Variants in ARK2C observed in about 807,000 individuals in gnomAD.
The protein encoded by ARK2C is E3 ubiquitin-protein ligase ARK2C.
the ARK2C span, among the ~76,000 whole-genome samples, chr18:46,411,402 G>A: frequency 6.6e-6 from 1 of 152,222 alleles, no homozygotes; most frequent in Non-Finnish European, 1.5e-5. Flanking sequence ...TGAATAGGAC[G>A]TATGCTCTGA....
At chr18:46,407,048 T>G in the ARK2C span, among the ~76,000 whole-genome samples, 1 of 152,220 alleles carries the variant, frequency 6.6e-6, no homozygotes, top group Non-Finnish European at 1.5e-5. Context: ...GAACTCGACT[T>G]TTGCCTCGGC....
At chr18:46,414,279 T>C in the ARK2C span, among the ~76,000 whole-genome samples, 1 of 152,220 alleles carries the variant, frequency 6.6e-6, no homozygotes, top group Non-Finnish European at 1.5e-5. Flanking sequence ...GAAACTGCTT[T>C]AATCTCCCTA....
chr18:46,416,715 G>T, the ARK2C span, among the ~76,000 whole-genome samples: 2 of 152,232 alleles, frequency 1.3e-5, no homozygotes, highest in Non-Finnish European at 2.9e-5. Context: ...AGTCAGCTGG[G>T]ACAGATGGGT....
At chr18:46,356,212 GT>G in the ARK2C span, among the ~76,000 whole-genome samples, 1 of 152,158 alleles carries the variant, frequency 6.6e-6, no homozygotes, top group Non-Finnish European at 1.5e-5. Context: ...ATGTCAATCC[GT>G]GACCAGCCGA....
chr18:46,431,350 G>C, the ARK2C span, among the ~76,000 whole-genome samples: 1 of 152,166 alleles, frequency 6.6e-6, no homozygotes, highest in African/African-American at 2.4e-5. Context: ...TAGAATGTCT[G>C]TGTGCCTTGA....
the ARK2C span, among the ~76,000 whole-genome samples, chr18:46,409,892 A>C: frequency 0.14 from 21,209 of 152,200 alleles, 1,587 homozygotes; most frequent in East Asian, 0.28. Flanking sequence ...TGTACTTACC[A>C]GCCATAGAGC....
the ARK2C span, among the ~76,000 whole-genome samples, chr18:46,389,705 T>C: frequency 1.3e-5 from 2 of 151,314 alleles, no homozygotes; most frequent in South Asian, 4.2e-4. Flanking sequence ...ATAGCAGCTC[T>C]CTCCAGGAAG....
At chr18:46,371,792 C>T in the ARK2C span, among the ~76,000 whole-genome samples, 3 of 152,200 alleles carry the variant, frequency 2.0e-5, no homozygotes, top group African/African-American at 7.2e-5. Flanking sequence ...GGGTCAAAGT[C>T]AAACAGTGAC....
At chr18:46,384,072 G>T in the ARK2C span, among the ~76,000 whole-genome samples, 1 of 152,330 alleles carries the variant, frequency 6.6e-6, no homozygotes, top group East Asian at 1.9e-4. Context: ...GGCAGTCGGG[G>T]TGAAACTGTG....
chr18:46,335,050 G>T, the ARK2C span: 4 of 151,682 alleles, frequency 2.6e-5, no homozygotes, highest in Non-Finnish European at 5.9e-5. Flanking sequence ...GGGCGCGTGT[G>T]TGTGTGTGTG....
chr18:46,387,228 T>G, the ARK2C span: 17 of 152,198 alleles, frequency 1.1e-4, no homozygotes, highest in Non-Finnish European at 1.8e-4. Flanking sequence ...AGCTGAGGCA[T>G]GCATAAAAAA....
the ARK2C span, among the ~76,000 whole-genome samples, chr18:46,350,826 AT>A: frequency 6.6e-6 from 1 of 152,230 alleles, no homozygotes; most frequent in Non-Finnish European, 1.5e-5. Context: ...TACGGCCAAT[AT>A]TATATCTCTG....
At chr18:46,351,685 C>T in the ARK2C span, among the ~76,000 whole-genome samples, 2 of 152,254 alleles carry the variant, frequency 1.3e-5, no homozygotes, top group East Asian at 1.9e-4. Context: ...TTTTATGAAA[C>T]CCCACTGAAA....
the ARK2C span, among the ~76,000 whole-genome samples, chr18:46,445,689 C>G: frequency 6.6e-6 from 1 of 152,176 alleles, no homozygotes; most frequent in Non-Finnish European, 1.5e-5. Flanking sequence ...CTGGAATGTG[C>G]CTTCATGCAA....
the ARK2C span, among the ~76,000 whole-genome samples, chr18:46,341,855 T>C: frequency 3.5e-4 from 53 of 152,296 alleles, no homozygotes; most frequent in African/African-American, 1.2e-3. Context: ...TCAAACTTTG[T>C]CTTTCTTGAA....
the ARK2C span, among the ~76,000 whole-genome samples, chr18:46,401,647 C>T: frequency 1.3e-5 from 2 of 152,184 alleles, no homozygotes; most frequent in African/African-American, 4.8e-5. Flanking sequence ...TCCCACTGAG[C>T]CCTCTTGAAC....
chr18:46,350,092 A>T, the ARK2C span, among the ~76,000 whole-genome samples: 1 of 152,194 alleles, frequency 6.6e-6, no homozygotes, highest in African/African-American at 2.4e-5. Flanking sequence ...ATACCCCATG[A>T]TACATACCCA....
At chr18:46,398,847 G>T in the ARK2C span, among the ~76,000 whole-genome samples, 1 of 151,958 alleles carries the variant, frequency 6.6e-6, no homozygotes, top group South Asian at 2.1e-4. Context: ...GCCCTCTCTC[G>T]TCTGGTCATT....
At chr18:46,344,535 A>G in the ARK2C span, among the ~76,000 whole-genome samples, 4 of 151,742 alleles carry the variant, frequency 2.6e-5, no homozygotes, top group Admixed American at 6.6e-5. Context: ...GCCCACTCCC[A>G]CCCCCAGCGT....
Sources: allele counts gnomAD v4.1 joint callset (sites outside exome capture counted in the v4.1 genomes callset), GRCh38; gene constraint gnomAD v4.1.1; transcripts MANE v1.5; gene names NCBI Gene and HGNC (gene_info 2026-07-23, HGNC 2026-07-21).